Variants in RALYL observed in about 807,000 individuals in gnomAD.
RALYL encodes the protein RNA-binding Raly-like protein.
Under a neutral mutation model 35.1 loss-of-function variants are expected in RALYL, and 29 were observed. That is an observed-to-expected ratio of 0.83 (90% confidence interval 0.61 to 1.13). The LOEUF is 1.13. Among genes scored for constraint, RALYL ranks in the 50% most tolerant of loss-of-function variants. The pLI, the probability that RALYL is intolerant of heterozygous loss-of-function variation, is 0.00. For missense variants in RALYL, 359 were observed against 360.4 expected (o/e 1.00, Z 0.03); for synonymous variants, 120 against 127.6 (o/e 0.94, Z 0.40).
chr8:84,706,061 G>A, intron 2 of RALYL: 1 of 1,534,924 alleles, frequency 6.5e-7, no homozygotes, highest in Non-Finnish European at 8.7e-7. Context: ...CATCAGAGAT[G>A]TAAGTAAAAT....
intron 1 of RALYL, among the ~76,000 whole-genome samples, chr8:84,257,066 G>T (rs1035510117): frequency 1.3e-5 from 2 of 151,182 alleles, no homozygotes; most frequent in East Asian, 2.0e-4. Context: ...ATTAAACCAA[G>T]ATTTTATATT....
chr8:84,584,902 T>C (rs1811651465), intron 2 of RALYL, among the ~76,000 whole-genome samples: 1 of 152,216 alleles, frequency 6.6e-6, no homozygotes, highest in Admixed American at 6.5e-5. Flanking sequence ...AAGAAACTGC[T>C]AGTCAGATGA....
At chr8:84,559,506 T>C (rs2061346668) in intron 2 of RALYL, among the ~76,000 whole-genome samples, 1 of 152,098 alleles carries the variant, frequency 6.6e-6, no homozygotes, top group African/African-American at 2.4e-5. Flanking sequence ...AAAATACTTA[T>C]TTCTCATGAA....
intron 2 of RALYL, among the ~76,000 whole-genome samples, chr8:84,612,185 T>C (rs1003165245): frequency 1.3e-5 from 2 of 152,020 alleles, no homozygotes; most frequent in African/African-American, 4.8e-5. Flanking sequence ...TGAGATTTAT[T>C]TATTATTTCT....
intron 1 of RALYL, among the ~76,000 whole-genome samples, chr8:84,233,062 A>G (rs956843758): frequency 2.0e-5 from 3 of 152,044 alleles, no homozygotes; most frequent in Non-Finnish European, 4.4e-5. Flanking sequence ...AGTTCACTGT[A>G]ACCTCAAACC....
intron 2 of RALYL, among the ~76,000 whole-genome samples, chr8:84,584,526 C>T (rs1268680622): frequency 6.6e-6 from 1 of 151,742 alleles, no homozygotes; most frequent in Non-Finnish European, 1.5e-5. Context: ...TCACTTGAAC[C>T]CAGGAGGCAG....
At chr8:84,544,725 A>C (rs1425033494) in intron 2 of RALYL, among the ~76,000 whole-genome samples, 1 of 152,062 alleles carries the variant, frequency 6.6e-6, no homozygotes, top group Non-Finnish European at 1.5e-5. Flanking sequence ...AGATATTTTC[A>C]ACTATCTATC....
At chr8:84,847,353 G>C (rs1834877276) in intron 4 of RALYL, among the ~76,000 whole-genome samples, 1 of 152,168 alleles carries the variant, frequency 6.6e-6, no homozygotes, top group East Asian at 1.9e-4. Flanking sequence ...CCTGGCACTT[G>C]GCATCCCCAT....
intron 4 of RALYL, among the ~76,000 whole-genome samples, chr8:84,830,383 G>GA (rs1469976543): frequency 6.6e-6 from 1 of 151,196 alleles, no homozygotes; most frequent in African/African-American, 2.4e-5. Flanking sequence ...CGAACTAACA[G>GA]AAAAAATGGG....
chr8:84,331,557 C>G (rs1846828669), intron 1 of RALYL, among the ~76,000 whole-genome samples: 1 of 152,006 alleles, frequency 6.6e-6, no homozygotes, highest in South Asian at 2.1e-4. Context: ...CATTATGCAT[C>G]CAGAAGTGTT....
chr8:84,867,969 G>T (rs952086925), intron 6 of RALYL, among the ~76,000 whole-genome samples: 2 of 152,118 alleles, frequency 1.3e-5, no homozygotes, highest in African/African-American at 4.8e-5. Context: ...TCAATATCAG[G>T]TGACAGAACA....
chr8:84,744,021 A>AG (rs1808018229), intron 2 of RALYL, among the ~76,000 whole-genome samples: 2 of 152,004 alleles, frequency 1.3e-5, no homozygotes, highest in African/African-American at 4.8e-5. Context: ...GATAGTAGCA[A>AG]TGATTGCACA....
chr8:84,620,666 C>T (rs1386544988), intron 2 of RALYL, among the ~76,000 whole-genome samples: 1 of 152,090 alleles, frequency 6.6e-6, no homozygotes, highest in African/African-American at 2.4e-5. Context: ...GGAGGAGAGG[C>T]ACTCTGCTTT....
At position 84,322,001 on chromosome 8, in the gene RALYL, C is replaced by T. The variant is rs114598157; in HGVS notation, c.-24+137577C>T. ...AAACCCTAAACATGCATGTACCTAA[C>T]AACAGATATCAAAATATGTGACAAA... On this transcript the variant is annotated intron_variant, in intron 1 of 8. Transcript: ENST00000521268. Among the ~76,000 whole-genome samples the T allele has an allele frequency of 7.2e-3, 1,098 of 152,098 alleles. 9 individuals carry two copies. Among genetic ancestry groups the T allele is most frequent in the African/African-American group, 0.025 (1,053 of 41,532 alleles).
Position 84,612,423 on chromosome 8 carries a change from C to G in RALYL, c.256+82846C>G, listed in dbSNP as rs560827219. On this transcript the variant is annotated intron_variant, in intron 2 of 8. Transcript: ENST00000521268. ...AACACTTTCCCTGTGACAAACTCCCCCTTTTGTAGGCTTTGTTGCTGGCAT... is the reference window on the plus strand; with the variant it reads ...AACACTTTCCCTGTGACAAACTCCCGCTTTTGTAGGCTTTGTTGCTGGCAT... 4.6e-5 allele frequency among the ~76,000 whole-genome samples: 7 copies of G among 152,034 alleles called. No individual in the cohort carries two copies. In the East Asian group the frequency reaches 1.4e-3, roughly 29 times the overall value.
At chr8:84,270,553 C>CGTGTGTGTGTGTGTGTGT (rs34047869) in intron 1 of RALYL, among the ~76,000 whole-genome samples, 3 of 147,356 alleles carry the variant, frequency 2.0e-5, no homozygotes, top group East Asian at 4.1e-4. Context: ...ACATGAAATT[C>CGTGTGTGTGTGTGTGTGT]GTGTGTGTGT....
intron 2 of RALYL, among the ~76,000 whole-genome samples, chr8:84,698,110 A>G (rs1238226510): frequency 6.6e-6 from 1 of 152,088 alleles, no homozygotes; most frequent in African/African-American, 2.4e-5. Flanking sequence ...CAGCTCACAA[A>G]CGTACACACT....
At chr8:84,477,750 C>G (rs999413619) in intron 1 of RALYL, among the ~76,000 whole-genome samples, 3 of 151,400 alleles carry the variant, frequency 2.0e-5, no homozygotes, top group African/African-American at 7.3e-5. Flanking sequence ...CCATTTTATC[C>G]TGATCCTTAG....
At chr8:84,304,274 AGCCC>A (rs1193735278) in intron 1 of RALYL, among the ~76,000 whole-genome samples, 1 of 151,840 alleles carries the variant, frequency 6.6e-6, no homozygotes. Context: ...CCCGCCACCA[AGCCC>A]AGCTAATTTT....
Sources: gnomAD v4.1 joint callset for allele counts (sites outside exome capture counted in the v4.1 genomes callset) on GRCh38, gnomAD v4.1.1 for gene constraint, MANE v1.5 for transcripts, NCBI Gene and HGNC (gene_info 2026-07-23, HGNC 2026-07-21) for gene names.